Variants in ANOS1 observed in about 807,000 individuals in gnomAD.
ANOS1 encodes anosmin 1.
In ANOS1, 6 loss-of-function variants were observed where a neutral mutation model predicts 59.0. The ratio of observed to expected loss-of-function variants is 0.10; its 90% CI spans 0.06 to 0.20. The LOEUF (loss-of-function observed/expected upper bound fraction) is 0.20, where lower values mean the gene tolerates loss of function less well. Ranked by LOEUF, ANOS1 falls within the 10% of genes least tolerant of loss-of-function variation. ANOS1 has a pLI of 1.00. For synonymous variants in ANOS1, 217 were observed against 223.4 expected (o/e 0.97, Z 0.25); for missense variants, 433 against 542.3 (o/e 0.80, Z 2.00).
At chrX:8,640,877 C>G (rs1296674404) in intron 2 of ANOS1, among the ~76,000 whole-genome samples, 1 of 111,871 alleles carries the variant, frequency 8.9e-6, no homozygotes, top group Non-Finnish European at 1.9e-5. Context: ...CCTAAAAACT[C>G]AAACCACTGA....
At chrX:8,702,552 G>A (rs1414233138) in intron 1 of ANOS1, among the ~76,000 whole-genome samples, 4 of 111,684 alleles carry the variant, frequency 3.6e-5, no homozygotes, top group African/African-American at 1.3e-4. Context: ...CATGTTGCAC[G>A]GTGTGTAGAT....
intron 2 of ANOS1, among the ~76,000 whole-genome samples, chrX:8,669,436 C>T (rs184715993): frequency 5.4e-5 from 6 of 110,992 alleles, no homozygotes; most frequent in Admixed American, 2.9e-4. Context: ...ATGTATCACA[C>T]TAATGCAAGA....
intron 1 of ANOS1, among the ~76,000 whole-genome samples, chrX:8,723,549 G>A (rs1337033131): frequency 8.9e-6 from 1 of 112,145 alleles, no homozygotes; most frequent in Non-Finnish European, 1.9e-5. Flanking sequence ...TGCAGACAGT[G>A]ATTTACATGA....
chrX:8,721,989 T>C (rs1932878018), intron 1 of ANOS1, among the ~76,000 whole-genome samples: 1 of 111,822 alleles, frequency 8.9e-6, no homozygotes, highest in South Asian at 3.7e-4. Flanking sequence ...CTAGCAGTTA[T>C]GAGACTTTCC....
intron 2 of ANOS1, among the ~76,000 whole-genome samples, chrX:8,653,392 C>T (rs1228369531): frequency 9.0e-6 from 1 of 110,878 alleles, no homozygotes; most frequent in African/African-American, 3.3e-5. Flanking sequence ...ATTGAATGTT[C>T]CTGGACTGAG....
intron 8 of ANOS1, among the ~76,000 whole-genome samples, chrX:8,557,847 A>G (rs1395371154): frequency 1.8e-5 from 2 of 112,068 alleles, no homozygotes; most frequent in African/African-American, 6.5e-5. Flanking sequence ...AGGATTTTAA[A>G]TCATTCTACT....
intron 4 of ANOS1, among the ~76,000 whole-genome samples, chrX:8,590,105 A>G (rs1930590233): frequency 9.0e-6 from 1 of 111,348 alleles, no homozygotes; most frequent in African/African-American, 3.3e-5. Context: ...CTAACGTAGA[A>G]GCGAGGTTCT....
In ANOS1 at chrX:8,623,911, C is replaced by T. The variant is rs772176553; in HGVS notation, c.256-241G>A. The stretch of plus-strand genomic sequence containing the variant: ...ATTGGAAAGGAAAAGTTACAGCGCC[C>T]GGCAGTGACTTACAGGAAAAGTAAT... On this transcript the variant is annotated intron_variant, in intron 2 of 13. Coordinates refer to ENST00000262648, the MANE Select transcript of ANOS1 (RefSeq NM_000216.4). 7.2e-5 allele frequency among the ~76,000 whole-genome samples: 8 copies of T among 110,708 alleles called. No individual in the cohort carries two copies. In the East Asian group the frequency reaches 1.1e-3, roughly 16 times the overall value.
chrX:8,725,617 T>G (rs1932908853), intron 1 of ANOS1, among the ~76,000 whole-genome samples: 2 of 56,445 alleles, frequency 3.5e-5, no homozygotes, highest in African/African-American at 8.1e-5. Flanking sequence ...CAGATATATA[T>G]ATATACAGAT....
chrX:8,731,723 G>C, intron 1 of ANOS1, 107 bp downstream of exon 1: 4 of 1,109,990 alleles, frequency 3.6e-6, no homozygotes, highest in Non-Finnish European at 4.7e-6. Context: ...ATCAGCCGGC[G>C]GCGCTGGCCG....
intron 2 of ANOS1, among the ~76,000 whole-genome samples, chrX:8,666,509 T>C (rs891638244): frequency 2.7e-5 from 3 of 111,765 alleles, no homozygotes; most frequent in Non-Finnish European, 5.6e-5. Context: ...ACACACACAA[T>C]GGAGTCATAA....
intron 1 of ANOS1, among the ~76,000 whole-genome samples, chrX:8,724,027 G>A (rs1268728936): frequency 8.9e-6 from 1 of 112,607 alleles, no homozygotes; most frequent in Non-Finnish European, 1.9e-5. Flanking sequence ...GTCATCAGGA[G>A]CTAGAAACTA....
At chrX:8,584,188 C>T (rs151218687) in intron 6 of ANOS1, among the ~76,000 whole-genome samples, 139 of 112,063 alleles carry the variant, frequency 1.2e-3, no homozygotes, top group Non-Finnish European at 1.4e-3. Context: ...ATCTCTGGAT[C>T]GCATTTGAAC....
In ANOS1 at chrX:8,534,344, C is replaced by T. The variant is rs780334394; in HGVS notation, c.1959G>A (p.Pro653=). The change falls in exon 13 of 14, where the codon CCG becomes CCA. Residue 653 remains proline (P), a synonymous_variant. Coordinates refer to ENST00000262648, the MANE Select transcript of ANOS1 (RefSeq NM_000216.4). ...TGTGTGCTGAAGAGGGTGGGAGCTC[C>T]GGCGTCCGGAACGTCTTGATGGTGG... ...GPATIKTFRT[P]ELPPSSAHRS... 8 of 1,209,525 alleles carry T rather than the reference C, an allele frequency of 6.6e-6. No homozygotes were observed. The highest frequency in any genetic ancestry group is 3.0e-5 in the East Asian group (1 of 33,738).
At chrX:8,587,434 T>G (rs1185912781) in intron 5 of ANOS1, among the ~76,000 whole-genome samples, 1 of 111,959 alleles carries the variant, frequency 8.9e-6, no homozygotes, top group Non-Finnish European at 1.9e-5. Context: ...GGCATTTAGA[T>G]TATTAAATGT....
At chrX:8,568,183 G>A in intron 8 of ANOS1, 49 bp downstream of exon 8, 1 of 1,166,063 alleles carries the variant, frequency 8.6e-7, no homozygotes, top group Non-Finnish European at 1.2e-6. Context: ...TTGTGATATG[G>A]CGCCCATCAT....
At chrX:8,648,754 G>A (rs1931802945) in intron 2 of ANOS1, among the ~76,000 whole-genome samples, 1 of 111,787 alleles carries the variant, frequency 8.9e-6, no homozygotes, top group African/African-American at 3.2e-5. Context: ...ATGCTTTCAT[G>A]AATCTCCAAA....
chrX:8,610,964 C>T (rs1931045992), intron 3 of ANOS1, among the ~76,000 whole-genome samples: 1 of 110,778 alleles, frequency 9.0e-6, no homozygotes, highest in South Asian at 3.8e-4. Context: ...GAAATTGCGG[C>T]ACATAAAATG....
rs949160759 is a variant in ANOS1, at chrX:8,627,301, A to G, written c.256-3631T>C. 2.9e-4 allele frequency among the ~76,000 whole-genome samples: 33 copies of G among 112,677 alleles called. 1 individual carries two copies. Among genetic ancestry groups the G allele is most frequent in the Admixed American group, 9.4e-5 (1 of 10,649 alleles). ...TCACAACTATAGATATCGGTGCACA[A>G]AAAGTCTCAAGCCTTTGAAATCTCC... On this transcript the variant is annotated intron_variant, in intron 2 of 13. Transcript: ENST00000262648.
Sources: gnomAD v4.1 joint callset for allele counts (sites outside exome capture counted in the v4.1 genomes callset) on GRCh38, gnomAD v4.1.1 for gene constraint, MANE v1.5 for transcripts, NCBI Gene and HGNC (gene_info 2026-07-23, HGNC 2026-07-21) for gene names.